CPEB2: variants seen among roughly 807,000 people sequenced by gnomAD.
The protein encoded by CPEB2 is cytoplasmic polyadenylation element binding protein 2.
In CPEB2, 56 loss-of-function variants were observed where a neutral mutation model predicts 93.6. The observed-to-expected ratio is 0.60, with a 90% CI of 0.48 to 0.75. The LOEUF is 0.75. CPEB2 is among the 30% of genes least tolerant of loss of function. CPEB2 has a pLI of 0.00. For missense variants in CPEB2, 1,579 were observed against 1,395.1 expected, an observed-to-expected ratio of 1.13 and a Z score of -2.10; for synonymous variants, 764 against 586.3, an observed-to-expected ratio of 1.30 and a Z score of -4.38.
rs1722317521 is a variant in CPEB2 at position 15,003,620 on chromosome 4, C to T, written c.947C>T (p.Ser316Phe). 2 of 1,480,612 alleles carry T rather than the reference C, an allele frequency of 1.4e-6. No homozygotes were observed. Among genetic ancestry groups the T allele is most frequent in the Admixed American group, 2.3e-5 (1 of 44,204 alleles). The allele number at this position is 1,480,612 out of a possible 1,614,324, so 91.7% of individuals were successfully genotyped here. ...AACCCCGCGCCGGGCTCCATGGAGTCCCCCAACCACCCTCTGCTCAACAGT... is the reference window on the plus strand; with the variant it reads ...AACCCCGCGCCGGGCTCCATGGAGTTCCCCAACCACCCTCTGCTCAACAGT... ...PVNPAPGSME[S>F]PNHPLLNSPS... Residue 316 changes from serine to phenylalanine, a missense_variant, in exon 1 of 12, where the codon TCC becomes TTC. By Grantham distance (155) the Ser-to-Phe change is radical. This residue lies in a region of CPEB2 where 1,411 missense variants were observed against 1,056.0 expected (regional missense o/e 1.34). Coordinates refer to ENST00000538197, the MANE Select transcript of CPEB2 (RefSeq NM_001177382.2).
intron 5 of CPEB2, among the ~76,000 whole-genome samples, chr4:15,037,017 T>C (rs1726674924): frequency 6.6e-6 from 1 of 152,020 alleles, no homozygotes. Context: ...GACTATCATT[T>C]AGGGCCCGGG....
In CPEB2 at chr4:15,002,627, G is replaced by C. The variant is rs974800067; in HGVS notation, c.-47G>C. On this transcript the variant is annotated 5_prime_UTR_variant, in exon 1 of 12. Coordinates refer to ENST00000538197, the MANE Select transcript of CPEB2 (RefSeq NM_001177382.2). Reference sequence around the variant, plus strand: ...CCCAGCGCCGGCGGCTTCCTAGGTGGGGCAGGGGACGAGGAGCGTCTCCTC... The same window carrying C: ...CCCAGCGCCGGCGGCTTCCTAGGTGCGGCAGGGGACGAGGAGCGTCTCCTC... The C allele has an allele frequency of 4.3e-5, 62 of 1,431,182 alleles. No homozygotes were observed. The highest frequency in any genetic ancestry group is 5.5e-5 in the Non-Finnish European group (60 of 1,086,288). The allele number at this position is 1,431,182 out of a possible 1,614,324, so 88.7% of individuals were successfully genotyped here. A position where few individuals can be genotyped will look rare whatever the true frequency, so the allele number is the denominator to read the frequency against.
intron 8 of CPEB2, among the ~76,000 whole-genome samples, chr4:15,058,103 G>A (rs1361219838): frequency 6.6e-6 from 1 of 152,146 alleles, no homozygotes; most frequent in Non-Finnish European, 1.5e-5. Flanking sequence ...ACTGACTTTG[G>A]TGGTACTTTG....
chr4:15,007,180 G>A (rs911197216), intron 1 of CPEB2, 125 bp from the exon 2 acceptor site: 5 of 727,548 alleles, frequency 6.9e-6, no homozygotes, highest in South Asian at 3.9e-5. Context: ...TTATAACCTA[G>A]AAAAGATGTA....
At chr4:15,020,029 G>A (rs1180711935) in intron 4 of CPEB2, among the ~76,000 whole-genome samples, 1 of 152,042 alleles carries the variant, frequency 6.6e-6, no homozygotes, top group Non-Finnish European at 1.5e-5. Context: ...TTCTAAGATG[G>A]TACACTCACA....
At chr4:15,031,594 T>C (rs1726100378) in intron 4 of CPEB2, among the ~76,000 whole-genome samples, 1 of 152,194 alleles carries the variant, frequency 6.6e-6, no homozygotes, top group Admixed American at 6.5e-5. Context: ...CATGTCATGC[T>C]GCATAAAATG....
At chr4:15,060,719 A>C (rs906945893) in intron 10 of CPEB2, among the ~76,000 whole-genome samples, 1 of 152,050 alleles carries the variant, frequency 6.6e-6, no homozygotes, top group Non-Finnish European at 1.5e-5. Flanking sequence ...TATATGGTAT[A>C]TTTTTTTATG....
chr4:15,019,268 C>T (rs1724552910), intron 4 of CPEB2, among the ~76,000 whole-genome samples: 1 of 151,422 alleles, frequency 6.6e-6, no homozygotes, highest in Non-Finnish European at 1.5e-5. Context: ...ACCATCATAT[C>T]CCTATTTAAA....
rs1054294649 is a variant in CPEB2 at position 15,003,171 on chromosome 4, C to A, written c.498C>A (p.Phe166Leu). 3.3e-6 allele frequency: 5 copies of A among 1,534,150 alleles called. No homozygotes were observed. The highest frequency in any genetic ancestry group is 3.3e-4 in the Middle Eastern group (2 of 6,002). Reference protein sequence around the residue: ...CCCRTSSPQDFSKRQQQQLSS... With the variant: ...CCCRTSSPQDLSKRQQQQLSS... Reference sequence around the variant, plus strand: ...GCCGCACCTCCTCCCCGCAGGACTTCAGTAAGCGGCAGCAGCAGCAGCTGA... The same window carrying A: ...GCCGCACCTCCTCCCCGCAGGACTTAAGTAAGCGGCAGCAGCAGCAGCTGA... Residue 166 changes from phenylalanine to leucine, a missense_variant, in exon 1 of 12, where the codon TTC becomes TTA. Phe to Leu is a conservative substitution (Grantham distance 22). Transcript: ENST00000538197.
At position 15,003,308 on chromosome 4, in the gene CPEB2, C is replaced by A; in HGVS notation, c.635C>A (p.Pro212Gln). 1.4e-6 allele frequency: 2 copies of A among 1,428,688 alleles called. No homozygotes were observed. Among genetic ancestry groups the A allele is most frequent in the Non-Finnish European group, 1.8e-6 (2 of 1,104,962 alleles). The allele number at this position is 1,428,688 out of a possible 1,614,324, so 88.5% of individuals were successfully genotyped here. The change falls in exon 1 of 12, where the codon CCG becomes CAG. Residue 212 changes from proline to glutamine, a missense_variant. Physicochemically the swap from Pro to Gln is moderately conservative, Grantham distance 76. Transcript: ENST00000538197. ...TGCCCCGGTCGGTTCAGCCCGCCGC[C>A]GCCGCCAGCCGGCCCGCTCCTCCAG... ...LHCPGRFSPP[P>Q]PPAGPLLQPA...
chr4:15,004,207 CCCCCGCCGCCCG>C lies in CPEB2; in HGVS notation c.1536_1547del (p.Pro513_Ala516del). On this transcript the variant is annotated inframe_deletion, in exon 1 of 12. Transcript: ENST00000538197. ...CGCCATGAATATACCTCAACAGCAGCCCCCGCCGCCCGCGGCGCCGCAGCAGCCGCAGAGCCG... is the reference window on the plus strand; with the variant it reads ...CGCCATGAATATACCTCAACAGCAGCCGGCGCCGCAGCAGCCGCAGAGCCG... 6.7e-7 allele frequency: 1 copy of C among 1,492,826 alleles called. No individual in the cohort carries two copies. Among genetic ancestry groups the C allele is most frequent in the Non-Finnish European group, 8.9e-7 (1 of 1,127,520 alleles). The allele number at this position is 1,492,826 out of a possible 1,614,324, so 92.5% of individuals were successfully genotyped here.
chr4:15,036,150 C>T (rs1726581563), intron 5 of CPEB2, among the ~76,000 whole-genome samples: 1 of 152,100 alleles, frequency 6.6e-6, no homozygotes, highest in African/African-American at 2.4e-5. Flanking sequence ...CTCTAAGCAT[C>T]TGTTAACTCA....
rs1415402668 is a variant in CPEB2 at position 15,003,202 on chromosome 4, C to T, written c.529C>T (p.Gln177Ter). 1.3e-6 allele frequency: 2 copies of T among 1,533,950 alleles called. No individual in the cohort carries two copies. The highest frequency in any genetic ancestry group is 1.7e-6 in the Non-Finnish European group (2 of 1,146,290). The change falls in exon 1 of 12, where the codon CAG (glutamine) becomes TAG (stop). Residue 177 changes from glutamine to a stop codon, truncating the protein, a stop_gained. Coordinates refer to ENST00000538197, the MANE Select transcript of CPEB2 (RefSeq NM_001177382.2). LOFTEE classifies it high-confidence loss of function. ...GCGGCAGCAGCAGCAGCTGAGCAGC[C>T]AGAAGAGGAAAGAGTTCAGCCCTCC... Reference protein sequence around the residue: ...SKRQQQQLSSQKRKEFSPPHL... With the variant: ...SKRQQQQLSS
Position 15,069,785 on chromosome 4 carries a change from C to T in CPEB2, c.*3405C>T, listed in dbSNP as rs1446373049. On this transcript the variant is annotated 3_prime_UTR_variant, in exon 12 of 12. Coordinates refer to ENST00000538197, the MANE Select transcript of CPEB2 (RefSeq NM_001177382.2). ...CTAATTCCCAGTTTCTGTATAGAAT[C>T]GCACAAGTGGTTTATGGAGTGTTTG... The T allele has an allele frequency of 1.3e-5, 2 of 152,044 alleles. No homozygotes were observed. The highest frequency in any genetic ancestry group is 3.0e-5 in the Non-Finnish European group (2 of 67,794). The allele number at this position is 152,044 out of a possible 1,614,324, so 9.4% of individuals were successfully genotyped here. A position where few individuals can be genotyped will look rare whatever the true frequency, so the allele number is the denominator to read the frequency against.
At chr4:15,055,865 C>G (rs1728668945) in intron 8 of CPEB2, among the ~76,000 whole-genome samples, 1 of 152,018 alleles carries the variant, frequency 6.6e-6, no homozygotes, top group African/African-American at 2.4e-5. Context: ...TTCCTTAGGT[C>G]TCTTTATATA....
chr4:15,023,466 C>A (rs1725023236), intron 4 of CPEB2, among the ~76,000 whole-genome samples: 1 of 151,986 alleles, frequency 6.6e-6, no homozygotes, highest in Non-Finnish European at 1.5e-5. Flanking sequence ...TTAAAATCAT[C>A]ACTTATCTCA....
At position 15,003,802 on chromosome 4, in the gene CPEB2, C is replaced by A. The variant is rs1355449913; in HGVS notation, c.1129C>A (p.Pro377Thr). 1 of 1,026,446 alleles carries A rather than the reference C, an allele frequency of 9.7e-7. No individual in the cohort carries two copies. Among genetic ancestry groups the A allele is most frequent in the Non-Finnish European group, 1.2e-6 (1 of 813,236 alleles). The allele number at this position is 1,026,446 out of a possible 1,614,324, so 63.6% of individuals were successfully genotyped here. The change falls in exon 1 of 12, where the codon CCC becomes ACC. Residue 377 changes from proline to threonine, a missense_variant. Physicochemically the swap from Pro to Thr is conservative, Grantham distance 38 (BLOSUM62 -1). Around this residue, in one of 2 missense-constraint regions of CPEB2, gnomAD observed 1,411 missense variants for 1,056.0 expected, o/e 1.34. Coordinates refer to ENST00000538197, the MANE Select transcript of CPEB2 (RefSeq NM_001177382.2). ...CGGCTCCGCGTCGCCGCCGCCGCTG[C>A]CCGGCTTCGGCACCCCCTGGTCGGT... ...GGGSASPPPLPGFGTPWSVQT... is the reference protein window; with the variant it reads ...GGGSASPPPLTGFGTPWSVQT...
chr4:15,052,634 CA>C (rs1429176936), intron 7 of CPEB2, 50 bp downstream of exon 7: 2 of 1,231,288 alleles, frequency 1.6e-6, no homozygotes, highest in Non-Finnish European at 2.2e-6. Flanking sequence ...TTAACAAAAA[CA>C]AAAAGATATG....
intron 6 of CPEB2, among the ~76,000 whole-genome samples, chr4:15,051,574 T>C (rs1460809779): frequency 2.6e-5 from 4 of 152,256 alleles, no homozygotes; most frequent in Non-Finnish European, 5.9e-5. Flanking sequence ...CAAATGCTAT[T>C]TAATTTCACT....
Sources: allele counts gnomAD v4.1 joint callset (sites outside exome capture counted in the v4.1 genomes callset), GRCh38; gene constraint gnomAD v4.1.1; regional missense constraint gnomAD v4.1.1; transcripts MANE v1.5; gene names NCBI Gene and HGNC (gene_info 2026-07-23, HGNC 2026-07-21).